Variants in PCDH11Y observed in about 807,000 individuals in gnomAD.
The protein encoded by PCDH11Y is protocadherin 11 Y-linked.
For synonymous variants in PCDH11Y, 9 were observed against 83.6 expected, an observed-to-expected ratio of 0.11 and a Z score of 4.87; for missense variants, 12 against 224.8, an observed-to-expected ratio of 0.05 and a Z score of 6.05.
chrY:5,680,368 C>T, intron 4 of PCDH11Y, among the ~76,000 whole-genome samples: 1 of 31,392 alleles, frequency 3.2e-5, no homozygotes. Context: ...ATAGCCTTAC[C>T]AAGAAGGACA....
chrY:5,287,343 A>G (rs2053061507), intron 2 of PCDH11Y, among the ~76,000 whole-genome samples: 1 of 33,445 alleles, frequency 3.0e-5, no homozygotes, highest in Non-Finnish European at 7.4e-5. Context: ...TAGTTCAACC[A>G]TTGTGGAAGA....
intron 2 of PCDH11Y, among the ~76,000 whole-genome samples, chrY:5,428,757 C>T (rs2053265811): frequency 3.0e-5 from 1 of 32,994 alleles, no homozygotes; most frequent in Non-Finnish European, 7.4e-5. Context: ...ACCACAAACA[C>T]GAGTAATACA....
At chrY:5,653,981 T>C in intron 4 of PCDH11Y, among the ~76,000 whole-genome samples, 2 of 33,178 alleles carry the variant, frequency 6.0e-5, no homozygotes, top group Non-Finnish European at 1.5e-4. Context: ...AAAAGAATTT[T>C]CAACCCAGAA....
intron 2 of PCDH11Y, among the ~76,000 whole-genome samples, chrY:5,349,504 G>T: frequency 3.0e-5 from 1 of 32,885 alleles, no homozygotes; most frequent in African/African-American, 1.2e-4. Context: ...TGTCTGTCTC[G>T]CTCATCACTG....
intron 2 of PCDH11Y, among the ~76,000 whole-genome samples, chrY:5,425,861 A>G (rs2053262745): frequency 3.0e-5 from 1 of 33,075 alleles, no homozygotes; most frequent in Admixed American, 2.8e-4. Flanking sequence ...AGAATGAAAT[A>G]TAATTAAATG....
intron 4 of PCDH11Y, among the ~76,000 whole-genome samples, chrY:5,613,239 G>T (rs2124701280): frequency 7.4e-4 from 22 of 29,668 alleles, no homozygotes; most frequent in African/African-American, 2.9e-3. Context: ...CCTTCACAAG[G>T]CTATGTGATG....
intron 2 of PCDH11Y, among the ~76,000 whole-genome samples, chrY:5,348,142 C>A: frequency 9.7e-5 from 3 of 31,030 alleles, no homozygotes; most frequent in African/African-American, 2.5e-4. Flanking sequence ...GGTACTAATA[C>A]TGGCCCAGTT....
chrY:5,483,736 A>C, intron 2 of PCDH11Y, among the ~76,000 whole-genome samples: 1 of 31,771 alleles, frequency 3.1e-5, no homozygotes, highest in Non-Finnish European at 7.7e-5. Context: ...GAAGGAAAAT[A>C]AGGAAAATAA....
At chrY:5,486,752 T>TATA (rs2053333476) in intron 2 of PCDH11Y, among the ~76,000 whole-genome samples, 1 of 8,479 alleles carries the variant, frequency 1.2e-4, no homozygotes. Flanking sequence ...TATATATATA[T>TATA]TTTTTTTTTT....
intron 2 of PCDH11Y, among the ~76,000 whole-genome samples, chrY:5,208,469 A>G: frequency 3.0e-5 from 1 of 33,715 alleles, no homozygotes; most frequent in Non-Finnish European, 7.3e-5. Flanking sequence ...TTTATTATAT[A>G]TGTAGACTGT....
intron 4 of PCDH11Y, among the ~76,000 whole-genome samples, chrY:5,660,599 A>G: frequency 3.1e-5 from 1 of 32,358 alleles, no homozygotes; most frequent in Non-Finnish European, 7.6e-5. Flanking sequence ...CCCTCCCCCA[A>G]GTGCACAAAC....
chrY:5,159,486 C>A (rs2052872671), intron 2 of PCDH11Y, among the ~76,000 whole-genome samples: 40 of 27,822 alleles, frequency 1.4e-3, no homozygotes, highest in African/African-American at 5.1e-3. Flanking sequence ...TCTTACCAGA[C>A]TTAATGTATT....
intron 3 of PCDH11Y, among the ~76,000 whole-genome samples, chrY:5,548,953 C>G (rs2124693860): frequency 2.5e-4 from 8 of 32,650 alleles, no homozygotes; most frequent in African/African-American, 9.5e-4. Flanking sequence ...CTGCTACCAG[C>G]CTATATAAAA....
intron 4 of PCDH11Y, among the ~76,000 whole-genome samples, chrY:5,723,385 C>A: frequency 1.3e-4 from 4 of 31,468 alleles, no homozygotes; most frequent in African/African-American, 4.9e-4. Context: ...GGAGTAATAT[C>A]TCTATGTCCC....
chrY:5,732,567 T>TTGTGTG (rs759694978), intron 4 of PCDH11Y, among the ~76,000 whole-genome samples: 1 of 28,166 alleles, frequency 3.6e-5, no homozygotes, highest in African/African-American at 1.6e-4. Flanking sequence ...GTTGTTGTTG[T>TTGTGTG]TGTGTGTGTG....
At chrY:5,633,215 A>ATTACTTGTT (rs2053513697) in intron 4 of PCDH11Y, among the ~76,000 whole-genome samples, 1 of 33,516 alleles carries the variant, frequency 3.0e-5, no homozygotes, top group African/African-American at 1.2e-4. Flanking sequence ...TCGGTACTCC[A>ATTACTTGTT]TTACTTGTTA....
chrY:5,520,561 A>G (rs2053379832), intron 3 of PCDH11Y, among the ~76,000 whole-genome samples: 2 of 33,196 alleles, frequency 6.0e-5, no homozygotes, highest in South Asian at 1.3e-3. Context: ...ACAATACTTG[A>G]CCATAACAAA....
intron 2 of PCDH11Y, among the ~76,000 whole-genome samples, chrY:5,205,025 G>C: frequency 6.0e-5 from 2 of 33,136 alleles, no homozygotes; most frequent in African/African-American, 2.4e-4. Context: ...GTTTGGTTTG[G>C]TTTTGAGACA....
chrY:5,623,811 A>G, intron 4 of PCDH11Y, among the ~76,000 whole-genome samples: 1 of 33,038 alleles, frequency 3.0e-5, no homozygotes, highest in Admixed American at 2.8e-4. Context: ...TTTTTCTGGT[A>G]GGAGGATTTA....
Sources: gnomAD v4.1 joint callset for allele counts (sites outside exome capture counted in the v4.1 genomes callset) on GRCh38, gnomAD v4.1.1 for gene constraint, MANE v1.5 for transcripts, NCBI Gene and HGNC (gene_info 2026-07-23, HGNC 2026-07-21) for gene names.